The following CAMKMT variants were observed in gnomAD, a reference collection of about 807,000 sequenced individuals.
CAMKMT encodes calmodulin-lysine N-methyltransferase, also known as CaM KMT.
Under a neutral mutation model 48.0 loss-of-function variants are expected in CAMKMT, and 53 were observed. The ratio of observed to expected loss-of-function variants is 1.10; its 90% CI spans 0.89 to 1.39. The LOEUF (loss-of-function observed/expected upper bound fraction) is 1.39. Ranked by LOEUF, CAMKMT falls within the 40% of genes most tolerant of loss-of-function variation. CAMKMT has a pLI of 0.00. For synonymous variants in CAMKMT, 165 were observed against 152.3 expected, an observed-to-expected ratio of 1.08 and a Z score of -0.61; for missense variants, 428 against 402.7, an observed-to-expected ratio of 1.06 and a Z score of -0.54.
chr2:44,659,590 G>A (rs1674572788), intron 3 of CAMKMT, among the ~76,000 whole-genome samples: 2 of 150,480 alleles, frequency 1.3e-5, no homozygotes, highest in African/African-American at 2.4e-5. Flanking sequence ...AGAAAAATTA[G>A]ATGGAAATTA....
intron 10 of CAMKMT, among the ~76,000 whole-genome samples, chr2:44,768,363 T>TATATATATATATATATA (rs1558844484): frequency 3.6e-4 from 26 of 72,028 alleles, no homozygotes; most frequent in African/African-American, 6.3e-4. Flanking sequence ...ATATATATAT[T>TATATATATATATATATA]TTTTTTTTTT....
chr2:44,435,757 C>G (rs555110879), intron 3 of CAMKMT, among the ~76,000 whole-genome samples: 62 of 152,182 alleles, frequency 4.1e-4, no homozygotes, highest in Non-Finnish European at 7.5e-4. Context: ...TCATGATGTT[C>G]TCATTCACAT....
In CAMKMT at chr2:44,597,581, T is replaced by C. The variant is rs536757674; in HGVS notation, c.377-106702T>C. ...CTGTGTCATGAGCCCCTTTGGTATC[T>C]TGTGATTCTGCTTATGGATCCCTTC... is the stretch of plus-strand genomic sequence containing the variant. On this transcript the variant is annotated intron_variant, in intron 3 of 10. Transcript: ENST00000378494. 2.0e-5 allele frequency among the ~76,000 whole-genome samples: 3 copies of C among 152,350 alleles called. No individual in the cohort carries two copies. In the East Asian group the frequency reaches 5.8e-4, roughly 29 times the overall value.
intron 3 of CAMKMT, among the ~76,000 whole-genome samples, chr2:44,571,489 C>G (rs1045765814): frequency 1.3e-5 from 2 of 152,128 alleles, no homozygotes; most frequent in Admixed American, 1.3e-4. Flanking sequence ...AGCTGGACAT[C>G]ATACTTTTTT....
At chr2:44,435,964 G>C (rs1306582527) in intron 3 of CAMKMT, among the ~76,000 whole-genome samples, 1 of 152,258 alleles carries the variant, frequency 6.6e-6, no homozygotes, top group East Asian at 1.9e-4. Context: ...AGTTCGTTAT[G>C]TTTATACCCA....
intron 3 of CAMKMT, among the ~76,000 whole-genome samples, chr2:44,582,180 C>T (rs1471391838): frequency 6.6e-6 from 1 of 152,180 alleles, no homozygotes; most frequent in Non-Finnish European, 1.5e-5. Flanking sequence ...TCTGAAACTA[C>T]ATGGAAGAAC....
intron 7 of CAMKMT, among the ~76,000 whole-genome samples, chr2:44,729,748 T>G (rs1471466015): frequency 6.6e-6 from 1 of 151,570 alleles, no homozygotes; most frequent in East Asian, 1.9e-4. Flanking sequence ...AAGAAAGAAG[T>G]GGAGACAAGA....
chr2:44,722,849 A>G (rs374357322), intron 7 of CAMKMT, among the ~76,000 whole-genome samples: 5 of 152,310 alleles, frequency 3.3e-5, no homozygotes, highest in African/African-American at 9.6e-5. Context: ...AACGGAAAAT[A>G]TAATTAGTAA....
intron 3 of CAMKMT, among the ~76,000 whole-genome samples, chr2:44,521,279 C>G (rs1030927984): frequency 6.6e-6 from 1 of 151,904 alleles, no homozygotes; most frequent in African/African-American, 2.4e-5. Context: ...GCACTATTAT[C>G]CCAATATTTT....
intron 3 of CAMKMT, among the ~76,000 whole-genome samples, chr2:44,444,502 C>G (rs1447040575): frequency 2.0e-5 from 3 of 152,148 alleles, no homozygotes; most frequent in East Asian, 1.9e-4. Context: ...CTGACACTTC[C>G]CATACTTGTT....
At chr2:44,620,310 C>T (rs773690865) in intron 3 of CAMKMT, among the ~76,000 whole-genome samples, 88 of 152,070 alleles carry the variant, frequency 5.8e-4, no homozygotes, top group Admixed American at 2.3e-3. Flanking sequence ...CAGCCAGGAC[C>T]GTACTGTTGG....
intron 3 of CAMKMT, among the ~76,000 whole-genome samples, chr2:44,521,455 T>G (rs1490519839): frequency 6.6e-6 from 1 of 151,992 alleles, no homozygotes; most frequent in East Asian, 1.9e-4. Context: ...ATGTTTTGTA[T>G]TTTTTAGTAG....
At chr2:44,617,749 A>G (rs1417481618) in intron 3 of CAMKMT, among the ~76,000 whole-genome samples, 2 of 152,224 alleles carry the variant, frequency 1.3e-5, no homozygotes, top group Admixed American at 1.3e-4. Context: ...GTGGCTTTAA[A>G]GAATATAGTG....
chr2:44,728,564 T>C (rs1295387380), intron 7 of CAMKMT, among the ~76,000 whole-genome samples: 2 of 152,152 alleles, frequency 1.3e-5, no homozygotes, highest in Admixed American at 6.5e-5. Flanking sequence ...TTTTTTTTGT[T>C]GTAGGTTATG....
chr2:44,511,348 G>A (rs1437085236), intron 3 of CAMKMT, among the ~76,000 whole-genome samples: 1 of 152,168 alleles, frequency 6.6e-6, no homozygotes, highest in Non-Finnish European at 1.5e-5. Flanking sequence ...GCGTACAATG[G>A]CGCCATCTCG....
At chr2:44,598,884 T>C (rs1670823704) in intron 3 of CAMKMT, among the ~76,000 whole-genome samples, 1 of 151,504 alleles carries the variant, frequency 6.6e-6, no homozygotes, top group Non-Finnish European at 1.5e-5. Context: ...ACCTCATATT[T>C]ACAAGTTGCT....
At chr2:44,505,235 T>C (rs1329855836) in intron 3 of CAMKMT, among the ~76,000 whole-genome samples, 1 of 152,118 alleles carries the variant, frequency 6.6e-6, no homozygotes, top group African/African-American at 2.4e-5. Context: ...CACTTTCTAA[T>C]TGTTTTTTTT....
intron 3 of CAMKMT, among the ~76,000 whole-genome samples, chr2:44,635,441 A>G (rs1295122864): frequency 1.3e-5 from 2 of 152,230 alleles, no homozygotes; most frequent in Admixed American, 1.3e-4. Context: ...GTACTGATAT[A>G]TACACTGTAA....
chr2:44,429,257 A>ATG (rs1193895261), intron 3 of CAMKMT, among the ~76,000 whole-genome samples: 1 of 131,894 alleles, frequency 7.6e-6, no homozygotes, highest in African/African-American at 3.1e-5. Flanking sequence ...GGTTTTATAT[A>ATG]TATGTGTGTG....
Sources: gnomAD v4.1 joint callset for allele counts (sites outside exome capture counted in the v4.1 genomes callset) on GRCh38, gnomAD v4.1.1 for gene constraint, MANE v1.5 for transcripts, NCBI Gene and HGNC (gene_info 2026-07-23, HGNC 2026-07-21) for gene names.